Variants in ST18 observed in about 807,000 individuals in gnomAD.
ST18 encodes the protein ST18 C2H2C-type zinc finger transcription factor.
In ST18, 50 loss-of-function variants were observed where a neutral mutation model predicts 110.0. The ratio of observed to expected loss-of-function variants is 0.45; its 90% CI spans 0.36 to 0.58. The LOEUF (loss-of-function observed/expected upper bound fraction) is 0.58, where lower values mean the gene tolerates loss of function less well. ST18 is among the 20% of genes least tolerant of loss of function. The probability of loss-of-function intolerance (pLI) is 0.00; values close to 1 mark genes in which losing one functional copy is unlikely to be tolerated. For missense variants in ST18, 1,306 were observed against 1,280.1 expected, an observed-to-expected ratio of 1.02 and a Z score of -0.31; for synonymous variants, 461 against 452.4, an observed-to-expected ratio of 1.02 and a Z score of -0.24.
chr8:52,116,258 T>C lies in ST18; in HGVS notation c.3003+17A>G. On this transcript the variant is annotated intron_variant, in intron 25 of 25. Coordinates refer to ENST00000689386, the MANE Select transcript of ST18 (RefSeq NM_001352837.2). ...AATGCTTGTAATGGAATGGCAAGGT[T>C]CTGGCCTTGAACTTACCATCTGTGG... 1 of 1,610,402 alleles carries C rather than the reference T, an allele frequency of 6.2e-7. No homozygotes were observed. Among genetic ancestry groups the C allele is most frequent in the African/African-American group, 1.3e-5 (1 of 74,950 alleles).
chr8:52,161,629 G>C, intron 13 of ST18, 61 bp from the exon 14 acceptor site: 1 of 1,567,124 alleles, frequency 6.4e-7, no homozygotes, highest in East Asian at 2.2e-5. Flanking sequence ...GAGCACATTA[G>C]TGTCAGAATT....
intron 5 of ST18, among the ~76,000 whole-genome samples, chr8:52,220,305 CT>C (rs2086145200): frequency 6.6e-6 from 1 of 152,124 alleles, no homozygotes; most frequent in Non-Finnish European, 1.5e-5. Flanking sequence ...CCAATTATTA[CT>C]TTTTAGTGTT....
intron 2 of ST18, among the ~76,000 whole-genome samples, chr8:52,284,049 A>G (rs2095430037): frequency 6.6e-6 from 1 of 152,204 alleles, no homozygotes; most frequent in African/African-American, 2.4e-5. Context: ...CGGCATTGGT[A>G]CAAATGCAAT....
rs139513630 is a variant in ST18 at position 52,270,418 on chromosome 8, C to G, written c.-464-40341G>C. ...TCCTTGCTTGAAAATGTCTTTTTCC[C>G]TTTTGTGTGTGTGTGGTGAGAACAC... is the stretch of plus-strand genomic sequence containing the variant. On this transcript the variant is annotated intron_variant, in intron 2 of 25. Coordinates refer to ENST00000689386, the MANE Select transcript of ST18 (RefSeq NM_001352837.2). Among the ~76,000 whole-genome samples the G allele has an allele frequency of 1.1e-3, 162 of 152,184 alleles. 1 individual carries two copies. Among genetic ancestry groups the G allele is most frequent in the African/African-American group, 3.8e-3 (159 of 41,510 alleles).
rs2060749778 is a variant in ST18 at position 52,159,074 on chromosome 8, G to A, written c.1630C>T (p.Arg544Ter). The change falls in exon 15 of 26, where the codon CGA (arginine) becomes TGA (stop). Residue 544 changes from arginine to a stop codon, truncating the protein, a stop_gained. Coordinates refer to ENST00000689386, the MANE Select transcript of ST18 (RefSeq NM_001352837.2). LOFTEE classifies it high-confidence loss of function. ...GTGTGGGCGCCTGCACTAGGCAGTCGATTAGGAAATTTCACTGGATTTGGA... is the reference window on the plus strand; with the variant it reads ...GTGTGGGCGCCTGCACTAGGCAGTCAATTAGGAAATTTCACTGGATTTGGA... The part of the protein sequence containing the change: ...HFPNPVKFPN[R>*]LPSAGAHTQS... The A allele has an allele frequency of 1.2e-6, 2 of 1,613,958 alleles. No homozygotes were observed.
rs1011332495 is a variant in ST18 at position 52,166,962 on chromosome 8, T to C, written c.1094A>G (p.Glu365Gly). Residue 365 changes from glutamate to glycine, a missense_variant, in exon 11 of 26, where the codon GAG becomes GGG. Transcript: ENST00000689386. ...NKHSPRPEKR[E>G]TKCPIPGCDG... Reference sequence around the variant, plus strand: ...ACATCCAGGGATCGGGCACTTGGTCTCCCTCTTTTCAGGCCTTGGTGAATC... The same window carrying C: ...ACATCCAGGGATCGGGCACTTGGTCCCCCTCTTTTCAGGCCTTGGTGAATC... 4 of 1,611,368 alleles carry C rather than the reference T, an allele frequency of 2.5e-6. No individual in the cohort carries two copies. The highest frequency in any genetic ancestry group is 2.5e-6 in the Non-Finnish European group (3 of 1,177,914).
chr8:52,120,374 A>G (rs1389744286), intron 23 of ST18, among the ~76,000 whole-genome samples: 1 of 152,218 alleles, frequency 6.6e-6, no homozygotes, highest in Non-Finnish European at 1.5e-5. Context: ...ATTTTCTTAC[A>G]TAATATCTGG....
chr8:52,165,578 A>G (rs991328281), intron 11 of ST18, among the ~76,000 whole-genome samples: 2 of 152,168 alleles, frequency 1.3e-5, no homozygotes, highest in African/African-American at 2.4e-5. Context: ...AGTTCTTTCT[A>G]TCTTTTCCCT....
intron 15 of ST18, among the ~76,000 whole-genome samples, chr8:52,155,903 A>G (rs2059899257): frequency 6.6e-6 from 1 of 152,158 alleles, no homozygotes; most frequent in Non-Finnish European, 1.5e-5. Context: ...CTTGATGTCA[A>G]AAAGATTGTG....
chr8:52,204,384 G>T (rs571641582), intron 8 of ST18, among the ~76,000 whole-genome samples: 4 of 152,238 alleles, frequency 2.6e-5, no homozygotes, highest in African/African-American at 7.2e-5. Context: ...ACTTCCAAAC[G>T]CCCGTTAATT....
intron 2 of ST18, among the ~76,000 whole-genome samples, chr8:52,246,179 T>C (rs2093829105): frequency 6.6e-6 from 1 of 152,054 alleles, no homozygotes; most frequent in Admixed American, 6.6e-5. Context: ...ATTAACTGGG[T>C]TCAAGATTCT....
chr8:52,169,371 T>C (rs73679147), intron 10 of ST18, among the ~76,000 whole-genome samples: 1,926 of 152,274 alleles, frequency 0.013, 38 homozygotes, highest in African/African-American at 0.042. Context: ...TAATGGTTCA[T>C]AGTGTTCCCC....
intron 23 of ST18, 148 bp from the exon 24 acceptor site, chr8:52,118,589 G>A: frequency 2.0e-6 from 1 of 506,606 alleles, no homozygotes; most frequent in Non-Finnish European, 3.4e-6. Flanking sequence ...CTGAAAAAGT[G>A]GATAAGAGAA....
At chr8:52,323,498 A>C (rs1240086004) in intron 2 of ST18, among the ~76,000 whole-genome samples, 1 of 152,160 alleles carries the variant, frequency 6.6e-6, no homozygotes, top group African/African-American at 2.4e-5. Context: ...CTCTTCTTAA[A>C]GCTTCCCTTC....
intron 8 of ST18, among the ~76,000 whole-genome samples, chr8:52,201,630 C>A (rs2078009224): frequency 6.6e-6 from 1 of 152,092 alleles, no homozygotes; most frequent in South Asian, 2.1e-4. Context: ...AACAAAAAAA[C>A]TGCTGTTCAG....
intron 2 of ST18, chr8:52,403,734 G>T (rs1267360946): frequency 1.3e-5 from 2 of 152,156 alleles, no homozygotes; most frequent in African/African-American, 2.4e-5. Context: ...CATTTTTTGT[G>T]GGGGTAGTCC....
chr8:52,316,784 A>G (rs1279461548), intron 2 of ST18, among the ~76,000 whole-genome samples: 1 of 152,052 alleles, frequency 6.6e-6, no homozygotes, highest in African/African-American at 2.4e-5. Context: ...GCTGTATGGT[A>G]TATCTTCTCT....
intron 23 of ST18, among the ~76,000 whole-genome samples, chr8:52,120,387 A>T (rs1324277514): frequency 6.6e-6 from 1 of 152,168 alleles, no homozygotes; most frequent in Admixed American, 6.5e-5. Flanking sequence ...ATATCTGGTG[A>T]GGCAGACAAA....
intron 2 of ST18, among the ~76,000 whole-genome samples, chr8:52,254,965 A>G (rs2094477994): frequency 6.6e-6 from 1 of 152,204 alleles, no homozygotes; most frequent in Non-Finnish European, 1.5e-5. Context: ...TACTGAAAAG[A>G]AAAGTGCCTC....
Sources: gnomAD v4.1 joint callset for allele counts (sites outside exome capture counted in the v4.1 genomes callset) on GRCh38, gnomAD v4.1.1 for gene constraint, MANE v1.5 for transcripts, NCBI Gene and HGNC (gene_info 2026-07-23, HGNC 2026-07-21) for gene names.